ATP8B4: variants seen among roughly 807,000 people sequenced by gnomAD.
ATP8B4 encodes ATPase phospholipid transporting 8B4 (putative).
ATP8B4 carries 133 observed loss-of-function variants against 145.6 expected under a neutral mutation model. The observed-to-expected ratio is 0.91, with a 90% CI of 0.79 to 1.05. The LOEUF (loss-of-function observed/expected upper bound fraction) is 1.05. Among genes scored for constraint, ATP8B4 ranks in the 50% least tolerant of loss-of-function variants. The probability of loss-of-function intolerance (pLI) is 0.00; values close to 1 mark genes in which losing one functional copy is unlikely to be tolerated. For missense variants in ATP8B4, 1,458 were observed against 1,425.2 expected, an observed-to-expected ratio of 1.02 and a Z score of -0.37; for synonymous variants, 507 against 492.9, an observed-to-expected ratio of 1.03 and a Z score of -0.38.
At chr15:50,039,080 C>G (rs550598713) in intron 5 of ATP8B4, among the ~76,000 whole-genome samples, 6 of 152,194 alleles carry the variant, frequency 3.9e-5, no homozygotes, top group Admixed American at 1.3e-4. Context: ...AATCTCCACA[C>G]GTTTAGTTGC....
intron 6 of ATP8B4, among the ~76,000 whole-genome samples, chr15:50,016,438 G>T (rs151063337): frequency 5.2e-4 from 79 of 152,316 alleles, no homozygotes; most frequent in African/African-American, 1.8e-3. Context: ...TTCCTGGGTA[G>T]TAGATTTAGA....
At chr15:50,091,206 G>A (rs560701183) in intron 2 of ATP8B4, among the ~76,000 whole-genome samples, 1 of 152,158 alleles carries the variant, frequency 6.6e-6, no homozygotes, top group South Asian at 2.1e-4. Context: ...TGAGAACTAG[G>A]TCCCCTGGGG....
intron 25 of ATP8B4, among the ~76,000 whole-genome samples, chr15:49,874,397 G>T (rs1434763102): frequency 6.6e-6 from 1 of 152,176 alleles, no homozygotes; most frequent in Non-Finnish European, 1.5e-5. Flanking sequence ...GCAAGCAAGA[G>T]ACTGGTGAAT....
At chr15:49,933,986 G>T in intron 15 of ATP8B4, 31 bp downstream of exon 15, 1 of 1,465,948 alleles carries the variant, frequency 6.8e-7, no homozygotes, top group Non-Finnish European at 9.1e-7. Flanking sequence ...CAAAAACAAG[G>T]TTCACCACTC....
Position 49,978,739 on chromosome 15 carries a change from T to TACACACACACACAC in ATP8B4, c.1034+864_1034+877dup, listed in dbSNP as rs60436585. Among the ~76,000 whole-genome samples, 522 of 122,834 alleles carry TACACACACACACAC rather than the reference T, an allele frequency of 4.2e-3. 10 individuals are homozygous for TACACACACACACAC. In the East Asian group the frequency reaches 0.063, roughly 15 times the overall value. The allele number at this position is 122,834 out of a possible 152,430, so 80.6% of individuals were successfully genotyped here. On this transcript the variant is annotated intron_variant, in intron 12 of 27. Coordinates refer to ENST00000284509, the MANE Select transcript of ATP8B4 (RefSeq NM_024837.4). ...GGGCCAATTTCTAAGCTTTATCAAATACACACACACACACACACACACACA... is the reference window on the plus strand; with the variant it reads ...GGGCCAATTTCTAAGCTTTATCAAATACACACACACACACACACACACACACACACACACACACA...
intron 7 of ATP8B4, among the ~76,000 whole-genome samples, chr15:50,008,394 G>A: frequency 6.6e-6 from 1 of 152,172 alleles, no homozygotes; most frequent in Non-Finnish European, 1.5e-5. Flanking sequence ...AAGAGGAAGA[G>A]TGGAAAATAA....
At chr15:50,120,971 C>T (rs71469679), upstream of ATP8B4, among the ~76,000 whole-genome samples, 2 of 151,976 alleles carry the variant, frequency 1.3e-5, no homozygotes, top group African/African-American at 4.8e-5. Flanking sequence ...GTGCCTGGAG[C>T]AAAGTAGAGA....
At chr15:50,082,385 C>A (rs2054611933) in intron 2 of ATP8B4, among the ~76,000 whole-genome samples, 1 of 152,024 alleles carries the variant, frequency 6.6e-6, no homozygotes, top group South Asian at 2.1e-4. Flanking sequence ...GAAAAAAAAA[C>A]CTTCCCACAA....
chr15:50,039,819 C>A (rs1466605123), intron 5 of ATP8B4, among the ~76,000 whole-genome samples: 1 of 152,136 alleles, frequency 6.6e-6, no homozygotes, highest in East Asian at 1.9e-4. Context: ...AAATCCATCC[C>A]AATCTTTCTA....
At chr15:50,132,012 T>G (rs2044054418) in intron 1 of ATP8B4, among the ~76,000 whole-genome samples, 1 of 149,234 alleles carries the variant, frequency 6.7e-6, no homozygotes, top group African/African-American at 2.5e-5. Flanking sequence ...TTTTTAAAGG[T>G]AATGCCAAAG....
chr15:49,874,391 G>C (rs1171683849), intron 25 of ATP8B4, among the ~76,000 whole-genome samples: 1 of 152,180 alleles, frequency 6.6e-6, no homozygotes, highest in Non-Finnish European at 1.5e-5. Flanking sequence ...CATAAGGCAA[G>C]CAAGAGACTG....
At chr15:49,864,396 A>ATTTG (rs2032414016) in intron 26 of ATP8B4, among the ~76,000 whole-genome samples, 1 of 152,206 alleles carries the variant, frequency 6.6e-6, no homozygotes, top group South Asian at 2.1e-4. Flanking sequence ...CAATTAGTGG[A>ATTTG]TACAAATCTC....
At chr15:49,871,573 C>T (rs142844801) in intron 25 of ATP8B4, among the ~76,000 whole-genome samples, 245 of 152,310 alleles carry the variant, frequency 1.6e-3, no homozygotes, top group African/African-American at 5.6e-3. Context: ...AAGGACAGGC[C>T]TGCTTTGGTC....
At chr15:50,147,481 G>A (rs1362001171) in intron 1 of ATP8B4, among the ~76,000 whole-genome samples, 7 of 148,794 alleles carry the variant, frequency 4.7e-5, no homozygotes, top group African/African-American at 1.7e-4. Flanking sequence ...GAGCCTAGAA[G>A]CAATAACCCT....
chr15:50,072,968 C>G (rs868381381), intron 3 of ATP8B4, among the ~76,000 whole-genome samples: 1 of 32,936 alleles, frequency 3.0e-5, no homozygotes, highest in African/African-American at 1.3e-4. Flanking sequence ...CTCTCTCTCT[C>G]TCTCTCTCTC....
chr15:49,937,583 A>G (rs2041838452), intron 14 of ATP8B4, among the ~76,000 whole-genome samples: 1 of 152,154 alleles, frequency 6.6e-6, no homozygotes, highest in African/African-American at 2.4e-5. Flanking sequence ...TCTAGGTGAT[A>G]GGGATTCAGA....
In ATP8B4 at chr15:49,972,516, T is replaced by C. The variant is rs562748104; in HGVS notation, c.1243+66A>G. The C allele has an allele frequency of 1.5e-5, 23 of 1,495,188 alleles. No individual in the cohort carries two copies. In the African/African-American group the frequency reaches 2.5e-4, roughly 17 times the overall value. The allele number at this position is 1,495,188 out of a possible 1,614,324, so 92.6% of individuals were successfully genotyped here. Reference sequence around the variant, plus strand: ...TGTTTTGGATTTTTAAATTTTTTTTTAATGGGGTCAGTTATTCAAGAAATT... The same window carrying C: ...TGTTTTGGATTTTTAAATTTTTTTTCAATGGGGTCAGTTATTCAAGAAATT... On this transcript the variant is annotated intron_variant, in intron 13 of 27. Transcript: ENST00000284509.
intron 23 of ATP8B4, among the ~76,000 whole-genome samples, chr15:49,890,864 C>G (rs2036711442): frequency 6.6e-6 from 1 of 152,166 alleles, no homozygotes; most frequent in Non-Finnish European, 1.5e-5. Context: ...CAGGCCACTC[C>G]CATGTGGGGT....
intron 2 of ATP8B4, among the ~76,000 whole-genome samples, chr15:50,075,376 C>T (rs1360025492): frequency 6.6e-6 from 1 of 152,156 alleles, no homozygotes; most frequent in Non-Finnish European, 1.5e-5. Flanking sequence ...AAAGTGCAGG[C>T]AGAATCTCTC....
Sources: allele counts gnomAD v4.1 joint callset (sites outside exome capture counted in the v4.1 genomes callset), GRCh38; gene constraint gnomAD v4.1.1; transcripts MANE v1.5; gene names NCBI Gene and HGNC (gene_info 2026-07-23, HGNC 2026-07-21).